Variants in GNG2 observed in about 807,000 individuals in gnomAD.
GNG2 encodes guanine nucleotide-binding protein G(I)/G(S)/G(O) subunit gamma-2.
In GNG2, 5 loss-of-function variants were observed where a neutral mutation model predicts 5.5. The observed-to-expected ratio is 0.91, with a 90% CI of 0.48 to 1.92. GNG2 has a LOEUF of 1.92. Ranked by LOEUF, GNG2 falls within the 30% of genes most tolerant of loss-of-function variation. The pLI, the probability that GNG2 is intolerant of heterozygous loss-of-function variation, is 0.01. For missense variants in GNG2, 55 were observed against 88.4 expected (o/e 0.62, Z 1.52); for synonymous variants, 28 against 32.0 (o/e 0.88, Z 0.42).
At chr14:51,892,467 T>G (rs1884924422) in intron 2 of GNG2, among the ~76,000 whole-genome samples, 1 of 152,088 alleles carries the variant, frequency 6.6e-6, no homozygotes, top group Non-Finnish European at 1.5e-5. Context: ...GCCTGGCTAA[T>G]TTTTGTAATT....
At chr14:51,871,396 G>A (rs771438548) in intron 1 of GNG2, among the ~76,000 whole-genome samples, 3 of 151,578 alleles carry the variant, frequency 2.0e-5, no homozygotes, top group Non-Finnish European at 2.9e-5. Flanking sequence ...ATACTGAAGT[G>A]TAGAAAAGTA....
intron 2 of GNG2, among the ~76,000 whole-genome samples, chr14:51,848,324 G>A (rs146817263): frequency 1.1e-4 from 16 of 152,196 alleles, no homozygotes; most frequent in Middle Eastern, 3.4e-3. Context: ...ATCATGTCAT[G>A]CCCTTGTTCA....
intron 2 of GNG2, among the ~76,000 whole-genome samples, chr14:51,925,133 G>C (rs1205850525): frequency 6.6e-6 from 1 of 152,132 alleles, no homozygotes; most frequent in Non-Finnish European, 1.5e-5. Flanking sequence ...TGTTCACAAT[G>C]CAAAGAAATG....
intron 2 of GNG2, among the ~76,000 whole-genome samples, chr14:51,914,460 C>T (rs8019382): frequency 6.6e-5 from 10 of 152,044 alleles, no homozygotes; most frequent in Admixed American, 5.2e-4. Flanking sequence ...TGTTTTGGCA[C>T]GAGGTTTGGT....
rs547500491 is a variant in GNG2 at position 51,829,481 on chromosome 14, C to T, written c.64+1674C>T. 3.9e-5 allele frequency among the ~76,000 whole-genome samples: 6 copies of T among 152,234 alleles called. No homozygotes were observed. In the East Asian group the frequency reaches 7.7e-4, roughly 20 times the overall value. On this transcript the variant is annotated intron_variant, in intron 2 of 3. Transcript: ENST00000553432. ...TCTTTCTTTTGCTCCAGGGTACTCA[C>T]GTGTCAACCCCCATCCTGGCTAAAC...
chr14:51,951,716 C>G (rs1164283944), intron 3 of GNG2, among the ~76,000 whole-genome samples: 1 of 152,214 alleles, frequency 6.6e-6, no homozygotes, highest in Non-Finnish European at 1.5e-5. Flanking sequence ...AAATTTGGCT[C>G]ATGGGCCAAA....
chr14:51,943,645 T>G (rs913041761), intron 2 of GNG2, among the ~76,000 whole-genome samples: 1 of 152,222 alleles, frequency 6.6e-6, no homozygotes, highest in Non-Finnish European at 1.5e-5. Flanking sequence ...GAATGTAGTA[T>G]GTTTATTCAC....
chr14:51,828,769 C>T (rs944005603), intron 2 of GNG2, among the ~76,000 whole-genome samples: 1 of 152,108 alleles, frequency 6.6e-6, no homozygotes, highest in Non-Finnish European at 1.5e-5. Flanking sequence ...TCTTCTCCTC[C>T]CCAGAAACCC....
chr14:51,941,350 C>T (rs1409802709), intron 2 of GNG2, among the ~76,000 whole-genome samples: 1 of 152,162 alleles, frequency 6.6e-6, no homozygotes, highest in Non-Finnish European at 1.5e-5. Context: ...GACTGACAAA[C>T]AAGAATAATA....
At chr14:51,947,945 T>C (rs950367074) in intron 2 of GNG2, among the ~76,000 whole-genome samples, 3 of 152,200 alleles carry the variant, frequency 2.0e-5, no homozygotes, top group Non-Finnish European at 2.9e-5. Flanking sequence ...AAGGTAACCA[T>C]CTCACAGTTG....
chr14:51,849,412 A>G (rs1013167935), intron 2 of GNG2, among the ~76,000 whole-genome samples: 1 of 152,236 alleles, frequency 6.6e-6, no homozygotes, highest in Non-Finnish European at 1.5e-5. Context: ...CAGTGTGGGA[A>G]GAGACTATAC....
intron 2 of GNG2, among the ~76,000 whole-genome samples, chr14:51,844,884 C>G (rs1881580639): frequency 6.6e-6 from 1 of 152,184 alleles, no homozygotes; most frequent in African/African-American, 2.4e-5. Flanking sequence ...CGCCACCAGG[C>G]CCAGCTAATT....
intron 2 of GNG2, among the ~76,000 whole-genome samples, chr14:51,927,370 C>A (rs2140237487): frequency 6.6e-6 from 1 of 152,326 alleles, no homozygotes; most frequent in South Asian, 2.1e-4. Context: ...TCCTTGCTAA[C>A]TGAGGGAGTG....
chr14:51,865,021 G>A (rs1404722881), intron 1 of GNG2, among the ~76,000 whole-genome samples: 1 of 152,138 alleles, frequency 6.6e-6, no homozygotes, highest in African/African-American at 2.4e-5. Flanking sequence ...GGAGAGCTGG[G>A]CAGAACAATT....
intron 2 of GNG2, among the ~76,000 whole-genome samples, chr14:51,911,874 T>G (rs199649555): frequency 0.12 from 16,967 of 143,876 alleles, 2,894 homozygotes; most frequent in African/African-American, 0.3. Flanking sequence ...ATGTTTTTTT[T>G]TTTTGTTGTT....
At chr14:51,826,256 G>C (rs1030703001) in intron 1 of GNG2, 1 of 152,106 alleles carries the variant, frequency 6.6e-6, no homozygotes, top group Non-Finnish European at 1.5e-5. Flanking sequence ...CTATCTGTGG[G>C]TTCCCAGACA....
intron 2 of GNG2, among the ~76,000 whole-genome samples, chr14:51,894,504 ATAT>A (rs1885061314): frequency 6.6e-6 from 1 of 152,132 alleles, no homozygotes; most frequent in Non-Finnish European, 1.5e-5. Context: ...ACAATGGATC[ATAT>A]TATTGTGGAT....
intron 2 of GNG2, among the ~76,000 whole-genome samples, chr14:51,912,668 A>G (rs1484311581): frequency 1.3e-5 from 2 of 152,208 alleles, no homozygotes; most frequent in South Asian, 2.1e-4. Flanking sequence ...CATTCTCGAG[A>G]GAGCTATTCC....
rs192725232 is a variant in GNG2 at position 51,932,087 on chromosome 14, A to T, written c.-29-18563A>T. 2.0e-3 allele frequency among the ~76,000 whole-genome samples: 308 copies of T among 152,096 alleles called. 1 individual carries two copies. Among genetic ancestry groups the T allele is most frequent in the African/African-American group, 7.0e-3 (289 of 41,482 alleles). ...TGGTGAAACCCCGTCTCTACTAAAA[A>T]ATAGAAAAAATTAGCTGGGCATGGT... On this transcript the variant is annotated intron_variant, in intron 2 of 3. Coordinates refer to ENST00000556766, the MANE Select transcript of GNG2 (RefSeq NM_053064.5).
Sources: gnomAD v4.1 joint callset for allele counts (sites outside exome capture counted in the v4.1 genomes callset) on GRCh38, gnomAD v4.1.1 for gene constraint, MANE v1.5 for transcripts, NCBI Gene and HGNC (gene_info 2026-07-23, HGNC 2026-07-21) for gene names.